Variants in ZFHX3 observed in about 807,000 individuals in gnomAD.
ZFHX3 encodes the protein zinc finger homeobox protein 3.
Under a neutral mutation model 279.1 loss-of-function variants are expected in ZFHX3, and 42 were observed. The observed-to-expected ratio is 0.15, with a 90% CI of 0.12 to 0.19. ZFHX3 has a LOEUF of 0.19. Among genes scored for constraint, ZFHX3 ranks in the 10% least tolerant of loss-of-function variants. ZFHX3 has a pLI of 1.00. For synonymous variants in ZFHX3, 2,293 were observed against 1,957.8 expected, an observed-to-expected ratio of 1.17 and a Z score of -4.52; for missense variants, 4,981 against 4,754.0, an observed-to-expected ratio of 1.05 and a Z score of -1.40.
At chr16:73,501,310 C>T (rs1205612268) in intron 2 of ZFHX3, among the ~76,000 whole-genome samples, 7 of 152,206 alleles carry the variant, frequency 4.6e-5, no homozygotes, top group Non-Finnish European at 5.9e-5. Flanking sequence ...AACATATCTT[C>T]ACTGTTAAGT....
chr16:72,795,890 A>C lies in ZFHX3; in HGVS notation c.6792T>G (p.Asn2264Lys). The change falls in exon 9 of 10, where the codon AAT (asparagine) becomes AAG (lysine). Residue 2264 changes from asparagine (N) to lysine (K), a missense_variant. Physicochemically the swap from Asn to Lys is moderately conservative, Grantham distance 94 (BLOSUM62 0). Coordinates refer to ENST00000268489, the MANE Select transcript of ZFHX3 (RefSeq NM_006885.4). ...LRVLQDFFDA[N>K]AYPKDDEFEQ... is the part of the protein sequence containing the mutation. Reference sequence around the variant, plus strand: ...CAAATTCATCATCCTTTGGGTAAGCATTGGCATCGAAGAAGTCCTGTAAGA... The same window carrying C: ...CAAATTCATCATCCTTTGGGTAAGCCTTGGCATCGAAGAAGTCCTGTAAGA... The C allele has an allele frequency of 3.7e-6, 6 of 1,614,160 alleles. No individual in the cohort carries two copies. Among genetic ancestry groups the C allele is most frequent in the Non-Finnish European group, 5.1e-6 (6 of 1,180,036 alleles).
At chr16:73,749,024 G>A (rs538100689) in intron 1 of ZFHX3, among the ~76,000 whole-genome samples, 6 of 152,032 alleles carry the variant, frequency 3.9e-5, no homozygotes, top group African/African-American at 1.4e-4. Flanking sequence ...CTGACCTCAG[G>A]AGATCCGCCC....
At chr16:73,784,785 A>ACAAC (rs1567409634) in intron 1 of ZFHX3, among the ~76,000 whole-genome samples, 69 of 96,406 alleles carry the variant, frequency 7.2e-4, no homozygotes, top group African/African-American at 4.4e-3. Flanking sequence ...TTTTAACAAA[A>ACAAC]TAAAAAAAAA....
intron 1 of ZFHX3, among the ~76,000 whole-genome samples, chr16:73,714,613 G>A (rs866033729): frequency 2.6e-5 from 4 of 152,194 alleles, no homozygotes; most frequent in Non-Finnish European, 5.9e-5. Context: ...CTGCACGTGT[G>A]TGTTAACATT....
intron 2 of ZFHX3, among the ~76,000 whole-genome samples, chr16:73,459,960 G>T (rs1291576816): frequency 2.6e-5 from 4 of 152,130 alleles, no homozygotes; most frequent in African/African-American, 4.8e-5. Context: ...GATGAGATTT[G>T]GGTGGGGACA....
At chr16:73,593,914 G>A (rs1042277395) in intron 2 of ZFHX3, among the ~76,000 whole-genome samples, 2 of 152,154 alleles carry the variant, frequency 1.3e-5, no homozygotes, top group African/African-American at 4.8e-5. Context: ...CTGACACAAC[G>A]TATTTGCCCA....
intron 1 of ZFHX3, among the ~76,000 whole-genome samples, chr16:73,748,644 A>G (rs949667540): frequency 6.6e-6 from 1 of 152,092 alleles, no homozygotes; most frequent in African/African-American, 2.4e-5. Context: ...GCTTATCTAC[A>G]TTCATTTTGC....
At chr16:73,841,477 A>G (rs228023) in intron 1 of ZFHX3, among the ~76,000 whole-genome samples, 83,168 of 151,794 alleles carry the variant, frequency 0.55, 24,055 homozygotes, top group African/African-American at 0.75. Context: ...CGGCTGGGAG[A>G]TCGGCATGAC....
At position 73,587,515 on chromosome 16, in the gene ZFHX3, T is replaced by G. The variant is rs186669000; in HGVS notation, c.-1547+92665A>C. ...TGAACTAAAAGCAACCCGCGTTGGC[T>G]GTTACCAGACACATTCCCAAATGTT... is the stretch of plus-strand genomic sequence containing the variant. On this transcript the variant is annotated intron_variant, in intron 2 of 17. Coordinates refer to the ZFHX3 transcript ENST00000641206. Among the ~76,000 whole-genome samples the G allele has an allele frequency of 2.8e-3, 430 of 152,354 alleles. 11 individuals carry two copies. Among genetic ancestry groups the G allele is most frequent in the Admixed American group, 0.025 (380 of 15,302 alleles).
chr16:73,517,633 A>G (rs1385183012), intron 2 of ZFHX3, among the ~76,000 whole-genome samples: 1 of 152,234 alleles, frequency 6.6e-6, no homozygotes, highest in Non-Finnish European at 1.5e-5. Context: ...AAATGTAGCA[A>G]ACATAGTATC....
intron 3 of ZFHX3, among the ~76,000 whole-genome samples, chr16:72,909,774 G>A (rs1291945140): frequency 6.6e-6 from 1 of 151,184 alleles, no homozygotes; most frequent in African/African-American, 2.4e-5. Flanking sequence ...GCTACTTGGA[G>A]GGCTGAGGCA....
chr16:72,865,663 C>A (rs2038000281), intron 4 of ZFHX3, among the ~76,000 whole-genome samples: 1 of 152,104 alleles, frequency 6.6e-6, no homozygotes, highest in South Asian at 2.1e-4. Flanking sequence ...CTGTGACTGG[C>A]CAAAGAGGAA....
chr16:73,687,011 A>AATATATATATAT (rs58565282), intron 1 of ZFHX3, among the ~76,000 whole-genome samples: 41 of 53,212 alleles, frequency 7.7e-4, no homozygotes, highest in South Asian at 1.4e-3. Flanking sequence ...TTTGCAGCTA[A>AATATATATATAT]ATATATATAT....
chr16:73,070,858 C>T (rs1016686552), intron 8 of ZFHX3, among the ~76,000 whole-genome samples: 8 of 151,356 alleles, frequency 5.3e-5, no homozygotes, highest in African/African-American at 1.9e-4. Context: ...CTGTCTTTCT[C>T]ATGTCACACT....
intron 1 of ZFHX3, among the ~76,000 whole-genome samples, chr16:73,855,655 G>A (rs558134912): frequency 1.3e-5 from 2 of 152,208 alleles, no homozygotes; most frequent in South Asian, 2.1e-4. Context: ...AGTCATCTCT[G>A]GAAAACATAA....
intron 2 of ZFHX3, among the ~76,000 whole-genome samples, chr16:73,650,591 T>C (rs982311181): frequency 2.2e-4 from 33 of 152,228 alleles, no homozygotes; most frequent in Admixed American, 1.8e-3. Flanking sequence ...ACCAATCAGC[T>C]ATTTTCCTCC....
chr16:73,137,868 T>C (rs188654574), intron 6 of ZFHX3, among the ~76,000 whole-genome samples: 1 of 152,002 alleles, frequency 6.6e-6, no homozygotes, highest in East Asian at 1.9e-4. Context: ...CTACTCAAAA[T>C]TTTTTTTGTA....
chr16:73,795,638 T>C (rs1445906065), intron 1 of ZFHX3, among the ~76,000 whole-genome samples: 3 of 152,184 alleles, frequency 2.0e-5, no homozygotes, highest in Admixed American at 6.5e-5. Context: ...TCCTACAGAA[T>C]CATGAAGAAC....
rs538193201 is a variant in ZFHX3, at chr16:72,997,933, T to A, written c.-49-37739A>T. Among the ~76,000 whole-genome samples the A allele has an allele frequency of 2.1e-3, 310 of 150,920 alleles. 3 individuals are homozygous for A. The highest frequency in any genetic ancestry group is 5.2e-4 in the Non-Finnish European group (35 of 67,788). ...CTATCTCTACAAAAAAAGAAAAAAA[T>A]TAGCTGGGTGTGATGGTGTGCACCT... On this transcript the variant is annotated intron_variant, in intron 1 of 9. Coordinates refer to ENST00000268489, the MANE Select transcript of ZFHX3 (RefSeq NM_006885.4).
Sources: gnomAD v4.1 joint callset for allele counts (sites outside exome capture counted in the v4.1 genomes callset) on GRCh38, gnomAD v4.1.1 for gene constraint, MANE v1.5 for transcripts, NCBI Gene and HGNC (gene_info 2026-07-23, HGNC 2026-07-21) for gene names.